Variants in GSDME observed in about 807,000 individuals in gnomAD.
GSDME encodes the protein gasdermin-E.
GSDME carries 44 observed loss-of-function variants against 47.5 expected under a neutral mutation model. The observed-to-expected ratio is 0.93, with a 90% CI of 0.73 to 1.19. The LOEUF is 1.19. Among genes scored for constraint, GSDME ranks in the 50% most tolerant of loss-of-function variants. The pLI, the probability that GSDME is intolerant of heterozygous loss-of-function variation, is 0.00. For synonymous variants in GSDME, 258 were observed against 252.8 expected (o/e 1.02, Z -0.20); for missense variants, 663 against 604.2 (o/e 1.10, Z -1.02).
chr7:24,783,853 A>C, the GSDME span, among the ~76,000 whole-genome samples: 1 of 152,034 alleles, frequency 6.6e-6, no homozygotes, highest in Non-Finnish European at 1.5e-5. Flanking sequence ...ACATTTACTG[A>C]GACAGAGAAG....
intron 7 of GSDME, among the ~76,000 whole-genome samples, chr7:24,706,926 C>T (rs1223718666): frequency 2.0e-5 from 3 of 152,208 alleles, no homozygotes; most frequent in Non-Finnish European, 2.9e-5. Flanking sequence ...CGCCACCAGC[C>T]GGGCAGCTTG....
chr7:24,750,517 G>A (rs1790822100), intron 1 of GSDME, among the ~76,000 whole-genome samples: 1 of 152,196 alleles, frequency 6.6e-6, no homozygotes, highest in South Asian at 2.1e-4. Context: ...GGAGGCTGAG[G>A]TGGGAGGATT....
In GSDME at chr7:24,744,167, G is replaced by T. The variant is rs1383680524; in HGVS notation, c.404+395C>A. ...CTCTTATTTTTGAACTTTTTTACGC[G>T]CCTCTCACTTGCTTTCTTCTTTTTT... On this transcript the variant is annotated intron_variant, in intron 3 of 9. Coordinates refer to ENST00000645220, the MANE Select transcript of GSDME (RefSeq NM_001127453.2). This position sits in a 1 kb window ranked among gnomAD's most constrained non-coding sequence, Gnocchi z 4.5. 1.4e-5 allele frequency: 3 copies of T among 217,246 alleles called. No individual in the cohort carries two copies. In the East Asian group the frequency reaches 3.6e-4, roughly 26 times the overall value. The allele number at this position is 217,246 out of a possible 1,614,324, so 13.5% of individuals were successfully genotyped here.
At chr7:24,788,492 C>A in the GSDME span, among the ~76,000 whole-genome samples, 1 of 152,196 alleles carries the variant, frequency 6.6e-6, no homozygotes, top group African/African-American at 2.4e-5. The surrounding 1 kb of genome is among the most constrained non-coding windows in gnomAD (Gnocchi z 4.6). Context: ...TAAGTAGTCC[C>A]TTCATTTAAG....
At position 24,754,721 on chromosome 7, in the gene GSDME, G is replaced by C. The variant is rs1426560290; in HGVS notation, c.-20+2675C>G. Among the ~76,000 whole-genome samples the C allele has an allele frequency of 1.3e-5, 2 of 152,150 alleles. No homozygotes were observed. Among genetic ancestry groups the C allele is most frequent in the African/African-American group, 4.8e-5 (2 of 41,426 alleles). ...GGAACAAAGAATCTTAAAAATAGTT[G>C]CCAAGGTAATGACTGCAGGAGAAGA... is the stretch of plus-strand genomic sequence containing the variant. On this transcript the variant is annotated intron_variant, in intron 1 of 9. Coordinates refer to ENST00000645220, the MANE Select transcript of GSDME (RefSeq NM_001127453.2). The surrounding 1 kb of genome is among the most constrained non-coding windows in gnomAD (Gnocchi z 5.0).
intron 9 of GSDME, among the ~76,000 whole-genome samples, chr7:24,702,128 G>A (rs151246269): frequency 6.9e-4 from 105 of 152,350 alleles, no homozygotes; most frequent in African/African-American, 2.4e-3. Flanking sequence ...CACAAGACTA[G>A]CTGCCCCATC....
intron 1 of GSDME, among the ~76,000 whole-genome samples, chr7:24,753,112 T>A (rs531348317): frequency 1.2e-4 from 18 of 152,338 alleles, no homozygotes; most frequent in Non-Finnish European, 1.5e-4. Context: ...TCAGACTTTT[T>A]AATCATGGGA....
the GSDME span, among the ~76,000 whole-genome samples, chr7:24,779,797 A>G: frequency 1.3e-5 from 2 of 152,226 alleles, no homozygotes; most frequent in Non-Finnish European, 2.9e-5. This position sits in a 1 kb window ranked among gnomAD's most constrained non-coding sequence, Gnocchi z 6.0. Flanking sequence ...GGATGACTGC[A>G]GAAACAGTCC....
intron 3 of GSDME, among the ~76,000 whole-genome samples, chr7:24,723,151 G>A (rs901794934): frequency 6.6e-6 from 1 of 152,224 alleles, no homozygotes; most frequent in African/African-American, 2.4e-5. Context: ...GAAACCAAAT[G>A]CTGGAAATAT....
chr7:24,786,052 C>T, the GSDME span, among the ~76,000 whole-genome samples: 6 of 152,082 alleles, frequency 3.9e-5, no homozygotes, highest in African/African-American at 7.2e-5. This position sits in a 1 kb window ranked among gnomAD's most constrained non-coding sequence, Gnocchi z 5.5. Flanking sequence ...CTGGTGGTCA[C>T]GAATAGTTGT....
intron 7 of GSDME, 152 bp from the exon 8 acceptor site, chr7:24,706,528 A>G: frequency 1.3e-6 from 1 of 759,618 alleles, no homozygotes; most frequent in Non-Finnish European, 2.1e-6. Flanking sequence ...TGAAATTGCT[A>G]ATCCTTGGTG....
chr7:24,744,807 T>A lies in GSDME; in HGVS notation c.212-53A>T. On this transcript the variant is annotated intron_variant, in intron 2 of 9. Coordinates refer to ENST00000645220, the MANE Select transcript of GSDME (RefSeq NM_001127453.2). The surrounding 1 kb of genome is among the most constrained non-coding windows in gnomAD (Gnocchi z 4.5). Reference sequence around the variant, plus strand: ...GCCGATGATGATAAGGCCACCAAGATGTCTTGGGTCATTTAGCTTTCCAAG... The same window carrying A: ...GCCGATGATGATAAGGCCACCAAGAAGTCTTGGGTCATTTAGCTTTCCAAG... The A allele has an allele frequency of 6.3e-7, 1 of 1,594,022 alleles. No individual in the cohort carries two copies.
rs760264645 is a variant in GSDME, at chr7:24,717,292, C to T, written c.659G>A (p.Gly220Asp). 6.2e-7 allele frequency: 1 copy of T among 1,613,564 alleles called. No homozygotes were observed. Among genetic ancestry groups the T allele is most frequent in the South Asian group, 1.1e-5 (1 of 90,916 alleles). ...EIPAATTIAY[G>D]VIELYVKLDG... is the part of the protein sequence containing the mutation. ...CAGTTTCACGTATAACTCAATGACA[C>T]CGTAGGCAATGGTGGTGGCAGCTGG... The change falls in exon 5 of 10, where the codon GGT (glycine) becomes GAT (aspartate). Residue 220 changes from glycine to aspartate, a missense_variant. Physicochemically the swap from Gly to Asp is moderately conservative, Grantham distance 94. Coordinates refer to ENST00000645220, the MANE Select transcript of GSDME (RefSeq NM_001127453.2).
Position 24,745,710 on chromosome 7 carries a change from C to A in GSDME, c.212-956G>T, listed in dbSNP as rs1790646291. 1.3e-5 allele frequency among the ~76,000 whole-genome samples: 2 copies of A among 152,076 alleles called. No individual in the cohort carries two copies. Among genetic ancestry groups the A allele is most frequent in the Admixed American group, 1.3e-4 (2 of 15,258 alleles). On this transcript the variant is annotated intron_variant, in intron 2 of 9. Coordinates refer to ENST00000645220, the MANE Select transcript of GSDME (RefSeq NM_001127453.2). This position sits in a 1 kb window ranked among gnomAD's most constrained non-coding sequence, Gnocchi z 4.4. ...CTTGAGGTCAGAAGTTCAAGACCAA[C>A]CTGGGCAACACCAGCTACCCTAGAG...
intron 1 of GSDME, among the ~76,000 whole-genome samples, chr7:24,752,610 A>T (rs1482452969): frequency 6.6e-6 from 1 of 152,186 alleles, no homozygotes; most frequent in Non-Finnish European, 1.5e-5. Context: ...GATGAGAAGG[A>T]AAAGCCAGTT....
rs1488520315 is a variant in GSDME at position 24,724,223 on chromosome 7, AGC to A, written c.405-5007_405-5006del. Among the ~76,000 whole-genome samples, 3 of 152,154 alleles carry A rather than the reference AGC, an allele frequency of 2.0e-5. No homozygotes were observed. The highest frequency in any genetic ancestry group is 7.2e-5 in the African/African-American group (3 of 41,502). On this transcript the variant is annotated intron_variant, in intron 3 of 9. Coordinates refer to ENST00000645220, the MANE Select transcript of GSDME (RefSeq NM_001127453.2). This position sits in a 1 kb window ranked among gnomAD's most constrained non-coding sequence, Gnocchi z 4.8. ...AAAAAGGCCTTCTGGACAGACTGTA[AGC>A]TCCTGGAGGACAAAGTACTTGCTCT...
At chr7:24,759,460 G>A (rs1194412528), upstream of GSDME, among the ~76,000 whole-genome samples, 1 of 152,034 alleles carries the variant, frequency 6.6e-6, no homozygotes, top group East Asian at 1.9e-4. Flanking sequence ...AATATCAGCT[G>A]CTATTATTTA....
chr7:24,720,802 C>G (rs1176704669), intron 3 of GSDME, among the ~76,000 whole-genome samples: 1 of 151,846 alleles, frequency 6.6e-6, no homozygotes, highest in East Asian at 1.9e-4. Flanking sequence ...AGCTACTCAG[C>G]AGGCTGAGGC....
rs1048290847 is a variant in GSDME at position 24,739,609 on chromosome 7, C to G, written c.404+4953G>C. ...ACTAAAAATAGAGCTACCATACTAT[C>G]CAGCATTCCAACTGCTGGATATGTA... On this transcript the variant is annotated intron_variant, in intron 3 of 9. Transcript: ENST00000645220. This position sits in a 1 kb window ranked among gnomAD's most constrained non-coding sequence, Gnocchi z 5.1. 2.6e-5 allele frequency among the ~76,000 whole-genome samples: 4 copies of G among 152,170 alleles called. No individual in the cohort carries two copies. Among genetic ancestry groups the G allele is most frequent in the African/African-American group, 9.7e-5 (4 of 41,424 alleles).
Sources: gnomAD v4.1 joint callset for allele counts (sites outside exome capture counted in the v4.1 genomes callset) on GRCh38, gnomAD v4.1.1 for gene constraint, Gnocchi (gnomAD v3.1) non-coding constraint, MANE v1.5 for transcripts, NCBI Gene and HGNC (gene_info 2026-07-23, HGNC 2026-07-21) for gene names.